Variants in RYR3 observed in about 807,000 individuals in gnomAD.
RYR3 encodes the protein brain ryanodine receptor-calcium release channel.
In RYR3, 207 loss-of-function variants were observed where a neutral mutation model predicts 584.3. The observed-to-expected ratio is 0.35, with a 90% CI of 0.32 to 0.40. The LOEUF is 0.40. Among genes scored for constraint, RYR3 ranks in the 10% least tolerant of loss-of-function variants. The pLI, the probability that RYR3 is intolerant of heterozygous loss-of-function variation, is 1.00. For missense variants in RYR3, 5,616 were observed against 6,089.2 expected (o/e 0.92, Z 2.59); for synonymous variants, 2,416 against 2,248.5 (o/e 1.07, Z -2.11).
At chr15:33,572,057 C>G (rs2058054023) in intron 12 of RYR3, among the ~76,000 whole-genome samples, 1 of 152,142 alleles carries the variant, frequency 6.6e-6, no homozygotes, top group Non-Finnish European at 1.5e-5. Flanking sequence ...AACAAAGCAA[C>G]TTTGCATTAA....
chr15:33,595,075 T>A (rs1219323364), intron 16 of RYR3, among the ~76,000 whole-genome samples: 1 of 148,558 alleles, frequency 6.7e-6, no homozygotes, highest in Non-Finnish European at 1.5e-5. Flanking sequence ...AAGATTAGAT[T>A]AGAAAAAGAC....
intron 1 of RYR3, among the ~76,000 whole-genome samples, chr15:33,471,821 A>G (rs757508930): frequency 1.1e-4 from 17 of 152,094 alleles, no homozygotes; most frequent in Non-Finnish European, 2.2e-4. Context: ...CTTAACTTCC[A>G]TGGCCCCTGC....
At chr15:33,514,612 C>CTT (rs199716620) in intron 3 of RYR3, among the ~76,000 whole-genome samples, 3 of 144,508 alleles carry the variant, frequency 2.1e-5, no homozygotes, top group South Asian at 2.2e-4. Context: ...GAATGCATTA[C>CTT]TTTTTTTTTT....
At chr15:33,584,311 G>C in intron 14 of RYR3, 84 bp from the exon 15 acceptor site, 1 of 680,678 alleles carries the variant, frequency 1.5e-6, no homozygotes, top group Non-Finnish European at 2.6e-6. Context: ...TGCTAAGCAA[G>C]TGAAATATTC....
chr15:33,642,141 A>G (rs1361744315), intron 27 of RYR3, among the ~76,000 whole-genome samples: 1 of 152,200 alleles, frequency 6.6e-6, no homozygotes, highest in Non-Finnish European at 1.5e-5. Flanking sequence ...AAGAAGTCTT[A>G]TGCAGTTATT....
intron 12 of RYR3, among the ~76,000 whole-genome samples, chr15:33,578,969 G>T (rs1462221519): frequency 1.3e-5 from 2 of 152,126 alleles, no homozygotes; most frequent in Non-Finnish European, 2.9e-5. Flanking sequence ...TTTGTTATCT[G>T]TGGTGCTTTG....
chr15:33,819,714 A>G, intron 76 of RYR3, 42 bp from the exon 77 acceptor site: 2 of 953,828 alleles, frequency 2.1e-6, no homozygotes, highest in Non-Finnish European at 3.0e-6. Context: ...AAATAAATAA[A>G]TAAATAAAAA....
At chr15:33,859,944 T>A (rs899561503) in intron 100 of RYR3, among the ~76,000 whole-genome samples, 2 of 152,194 alleles carry the variant, frequency 1.3e-5, no homozygotes, top group African/African-American at 4.8e-5. Flanking sequence ...GCTTCATCCA[T>A]ACAGAGGAAC....
Position 33,601,050 on chromosome 15 carries a change from C to A in RYR3, c.1789-369C>A, listed in dbSNP as rs188232863. Among the ~76,000 whole-genome samples the A allele has an allele frequency of 2.6e-5, 4 of 152,216 alleles. No homozygotes were observed. The East Asian group carries it at 7.7e-4, about 29-fold the overall frequency. On this transcript the variant is annotated intron_variant, in intron 16 of 103. Coordinates refer to ENST00000634891, the MANE Select transcript of RYR3 (RefSeq NM_001036.6). ...GGGCCTGGATTTTGGGCCCTAGATG[C>A]CTCGCCACACCTTAGTCCTGGCCTA...
rs774495812 is a variant in RYR3 at position 33,755,230 on chromosome 15, A to AGTCT, written c.8515+51_8515+52insTCTG. Reference sequence around the variant, plus strand: ...AAAAGAATTCAATATTCTTTTATCAAGAAATAATCCTTTCAGACTGTAACT... The same window carrying AGTCT: ...AAAAGAATTCAATATTCTTTTATCAAGTCTGAAATAATCCTTTCAGACTGTAACT... On this transcript the variant is annotated intron_variant, in intron 58 of 103. Coordinates refer to ENST00000634891, the MANE Select transcript of RYR3 (RefSeq NM_001036.6). The AGTCT allele has an allele frequency of 5.6e-6, 6 of 1,069,578 alleles. No homozygotes were observed. In the South Asian group the frequency reaches 8.0e-5, roughly 14 times the overall value. 66.3% of individuals were successfully genotyped at this position (1,069,578 alleles called of 1,614,324 possible). A position where few individuals can be genotyped will look rare whatever the true frequency, so the allele number is the denominator to read the frequency against.
rs66742049 is a variant in RYR3 at position 33,460,940 on chromosome 15, C to CTTTTTTT, written c.52-12463_52-12457dup. 1.8e-3 allele frequency among the ~76,000 whole-genome samples: 140 copies of CTTTTTTT among 79,202 alleles called. 22 individuals are homozygous for CTTTTTTT. The highest frequency in any genetic ancestry group is 7.7e-3 in the African/African-American group (134 of 17,462). 52.0% of individuals were successfully genotyped at this position (79,202 alleles called of 152,430 possible). On this transcript the variant is annotated intron_variant, in intron 1 of 103. Transcript: ENST00000634891. ...GGAATTTGTGGCACATAATATCCAC[C>CTTTTTTT]TTTTTTTTTTTTTTTTTTTTTTAAG...
intron 5 of RYR3, among the ~76,000 whole-genome samples, chr15:33,537,735 A>C (rs1010686985): frequency 2.0e-5 from 3 of 152,006 alleles, no homozygotes; most frequent in Non-Finnish European, 4.4e-5. Flanking sequence ...CTGACATCTC[A>C]CTGGAATGCA....
At chr15:33,457,952 G>A (rs914108512) in intron 1 of RYR3, among the ~76,000 whole-genome samples, 1 of 152,166 alleles carries the variant, frequency 6.6e-6, no homozygotes, top group Non-Finnish European at 1.5e-5. Flanking sequence ...TTGGGGAAAG[G>A]AAAATAAGGA....
At chr15:33,617,602 G>C (rs1028325092) in intron 19 of RYR3, among the ~76,000 whole-genome samples, 4 of 151,958 alleles carry the variant, frequency 2.6e-5, no homozygotes, top group African/African-American at 9.7e-5. Flanking sequence ...TTTAACTTCC[G>C]TATGGCTTCT....
Position 33,529,826 on chromosome 15 carries a change from A to G in RYR3, c.280-766A>G, listed in dbSNP as rs181021679. 1.1e-4 allele frequency among the ~76,000 whole-genome samples: 17 copies of G among 152,264 alleles called. No individual in the cohort carries two copies. In the East Asian group the frequency reaches 2.3e-3, roughly 21 times the overall value. The stretch of plus-strand genomic sequence containing the variant: ...ATAATAAATTACAGTTTTGTCTCCT[A>G]TCATGTACCATTCAGTTCAGCATGG... On this transcript the variant is annotated intron_variant, in intron 3 of 103. Transcript: ENST00000634891.
chr15:33,387,325 T>C (rs906761150), intron 1 of RYR3, among the ~76,000 whole-genome samples: 25 of 152,308 alleles, frequency 1.6e-4, no homozygotes, highest in African/African-American at 6.0e-4. Context: ...GACTCTGCTT[T>C]CAATTCTTTT....
At chr15:33,449,921 G>A (rs7181623) in intron 1 of RYR3, among the ~76,000 whole-genome samples, 9,327 of 151,980 alleles carry the variant, frequency 0.061, 938 homozygotes, top group African/African-American at 0.21. Context: ...GAAGTAGAAT[G>A]GGGACTGGAT....
intron 58 of RYR3, among the ~76,000 whole-genome samples, chr15:33,755,981 C>T (rs139156281): frequency 2.0e-5 from 3 of 152,154 alleles, no homozygotes; most frequent in Non-Finnish European, 4.4e-5. Context: ...ACCATGTTGT[C>T]CAGGCTGGTG....
At chr15:33,624,870 C>G (rs1423042060) in intron 20 of RYR3, among the ~76,000 whole-genome samples, 1 of 152,174 alleles carries the variant, frequency 6.6e-6, no homozygotes, top group Non-Finnish European at 1.5e-5. Flanking sequence ...CCCAATATAG[C>G]TCTTTTAGCC....
Sources: allele counts gnomAD v4.1 joint callset (sites outside exome capture counted in the v4.1 genomes callset), GRCh38; gene constraint gnomAD v4.1.1; transcripts MANE v1.5; gene names NCBI Gene and HGNC (gene_info 2026-07-23, HGNC 2026-07-21).